The following GALNT13 variants were observed in gnomAD, a reference collection of about 807,000 sequenced individuals.
The protein encoded by GALNT13 is polypeptide N-acetylgalactosaminyltransferase 13.
Under a neutral mutation model 64.2 loss-of-function variants are expected in GALNT13, and 28 were observed. The observed-to-expected ratio is 0.44, with a 90% CI of 0.32 to 0.60. The LOEUF is 0.60. GALNT13 is among the 20% of genes least tolerant of loss of function. The pLI, the probability that GALNT13 is intolerant of heterozygous loss-of-function variation, is 0.05. For missense variants in GALNT13, 577 were observed against 669.8 expected, an observed-to-expected ratio of 0.86 and a Z score of 1.53; for synonymous variants, 214 against 224.6, an observed-to-expected ratio of 0.95 and a Z score of 0.42.
chr2:153,560,803 C>T, the GALNT13 span, among the ~76,000 whole-genome samples: 2 of 151,974 alleles, frequency 1.3e-5, no homozygotes, highest in Non-Finnish European at 2.9e-5. Flanking sequence ...TTTTTTCATA[C>T]TTATTCTTTT....
intron 12 of GALNT13, among the ~76,000 whole-genome samples, chr2:154,445,605 A>T (rs569322473): frequency 1.4e-5 from 2 of 144,454 alleles, no homozygotes; most frequent in Non-Finnish European, 3.2e-5. Context: ...TTTTAATATT[A>T]ACTACATAGT....
the GALNT13 span, among the ~76,000 whole-genome samples, chr2:153,103,364 C>T: frequency 6.6e-6 from 1 of 152,198 alleles, no homozygotes; most frequent in Non-Finnish European, 1.5e-5. Flanking sequence ...CTACTCATGT[C>T]TGGCTTCCCA....
chr2:153,807,263 A>G, the GALNT13 span, among the ~76,000 whole-genome samples: 1 of 151,962 alleles, frequency 6.6e-6, no homozygotes, highest in Non-Finnish European at 1.5e-5. Context: ...ATACATGTAC[A>G]TATGCAATAA....
At chr2:154,123,842 A>G (rs890533020) in intron 3 of GALNT13, among the ~76,000 whole-genome samples, 3 of 152,090 alleles carry the variant, frequency 2.0e-5, no homozygotes, top group Admixed American at 6.5e-5. Context: ...CAAAAGGCAT[A>G]TATCAGCAGG....
intron 2 of GALNT13, among the ~76,000 whole-genome samples, chr2:153,941,592 A>G (rs1036831972): frequency 6.6e-6 from 1 of 152,202 alleles, no homozygotes; most frequent in African/African-American, 2.4e-5. Context: ...ATTCTCTTAA[A>G]TAAACCTGGG....
chr2:153,373,274 G>GACTT, the GALNT13 span, among the ~76,000 whole-genome samples: 1 of 152,032 alleles, frequency 6.6e-6, no homozygotes, highest in African/African-American at 2.4e-5. Flanking sequence ...ACACAAGCAT[G>GACTT]ACTTCACTTT....
the GALNT13 span, among the ~76,000 whole-genome samples, chr2:153,610,971 A>G: frequency 6.6e-6 from 1 of 152,194 alleles, no homozygotes; most frequent in South Asian, 2.1e-4. Flanking sequence ...GTAAAATTAT[A>G]GGAAATACAA....
the GALNT13 span, among the ~76,000 whole-genome samples, chr2:153,496,020 C>T: frequency 5.3e-5 from 8 of 152,162 alleles, no homozygotes; most frequent in African/African-American, 1.9e-4. Context: ...GGTTATAGCC[C>T]TGCCGATGGT....
At chr2:153,697,042 C>G in the GALNT13 span, among the ~76,000 whole-genome samples, 7 of 151,882 alleles carry the variant, frequency 4.6e-5, no homozygotes, top group Non-Finnish European at 7.4e-5. Flanking sequence ...TTTGCAGAAG[C>G]CTTTATGTGT....
At chr2:153,802,806 T>A in the GALNT13 span, among the ~76,000 whole-genome samples, 1 of 152,226 alleles carries the variant, frequency 6.6e-6, no homozygotes, top group Non-Finnish European at 1.5e-5. Context: ...AAGCTCAAAA[T>A]ACCTCTAAAA....
the GALNT13 span, among the ~76,000 whole-genome samples, chr2:153,416,138 TA>T: frequency 2.6e-5 from 4 of 152,232 alleles, no homozygotes; most frequent in African/African-American, 7.2e-5. Flanking sequence ...CATAATCATT[TA>T]TTTTTTTATT....
chr2:154,429,700 A>C (rs1700627002), intron 11 of GALNT13, among the ~76,000 whole-genome samples: 2 of 152,254 alleles, frequency 1.3e-5, no homozygotes, highest in South Asian at 4.1e-4. Flanking sequence ...AATTGGAAGA[A>C]GATGCCATCT....
At chr2:154,415,423 G>T (rs1240580121) in intron 11 of GALNT13, among the ~76,000 whole-genome samples, 1 of 152,028 alleles carries the variant, frequency 6.6e-6, no homozygotes, top group African/African-American at 2.4e-5. Flanking sequence ...TCTCCCTGGA[G>T]CCACTCATTT....
At chr2:153,136,528 A>G in the GALNT13 span, among the ~76,000 whole-genome samples, 1 of 152,090 alleles carries the variant, frequency 6.6e-6, no homozygotes, top group Non-Finnish European at 1.5e-5. Context: ...AAACATAACC[A>G]GTACACTCAC....
At chr2:154,423,521 C>T (rs1180961013) in intron 11 of GALNT13, among the ~76,000 whole-genome samples, 1 of 152,194 alleles carries the variant, frequency 6.6e-6, no homozygotes, top group East Asian at 1.9e-4. Context: ...AGTTTACAGT[C>T]CCACCAACAG....
chr2:153,522,275 G>T, the GALNT13 span, among the ~76,000 whole-genome samples: 1,460 of 152,060 alleles, frequency 9.6e-3, 22 homozygotes, highest in African/African-American at 0.033. Flanking sequence ...GGAGGTCGCA[G>T]TGAGCCCAGA....
chr2:154,358,554 C>T (rs1432004858), intron 9 of GALNT13, among the ~76,000 whole-genome samples: 2 of 152,006 alleles, frequency 1.3e-5, no homozygotes, highest in Admixed American at 6.6e-5. Flanking sequence ...ATAATAACTT[C>T]TAAAATGGGA....
chr2:153,360,417 G>A, the GALNT13 span, among the ~76,000 whole-genome samples: 1 of 152,198 alleles, frequency 6.6e-6, no homozygotes, highest in Non-Finnish European at 1.5e-5. Flanking sequence ...GAACTCCTTG[G>A]GGGAGGGGCG....
chr2:153,693,794 C>T, the GALNT13 span, among the ~76,000 whole-genome samples: 2 of 152,008 alleles, frequency 1.3e-5, no homozygotes, highest in African/African-American at 4.8e-5. Flanking sequence ...ATTCATCTCA[C>T]GCTCAGTAAA....
Sources: allele counts gnomAD v4.1 joint callset (sites outside exome capture counted in the v4.1 genomes callset), GRCh38; gene constraint gnomAD v4.1.1; transcripts MANE v1.5; gene names NCBI Gene and HGNC (gene_info 2026-07-23, HGNC 2026-07-21).